The following SGCD variants were observed in gnomAD, a reference collection of about 807,000 sequenced individuals.
SGCD encodes sarcoglycan delta, also known as delta-sarcoglycan.
A neutral mutation model predicts 36.6 loss-of-function variants in SGCD; 18 were observed. That is an observed-to-expected ratio of 0.49 (90% CI 0.34 to 0.73). SGCD has a LOEUF of 0.73. Among genes scored for constraint, SGCD ranks in the 30% least tolerant of loss-of-function variants. The pLI is 0.01. For synonymous variants in SGCD, 133 were observed against 130.6 expected, an observed-to-expected ratio of 1.02 and a Z score of -0.12; for missense variants, 387 against 346.7, an observed-to-expected ratio of 1.12 and a Z score of -0.92.
At chr5:156,499,808 T>C (rs956751413) in intron 3 of SGCD, among the ~76,000 whole-genome samples, 1 of 152,220 alleles carries the variant, frequency 6.6e-6, no homozygotes, top group African/African-American at 2.4e-5. Flanking sequence ...TTCTGTTAAG[T>C]GTTAATGTCT....
chr5:156,445,806 A>G (rs567666535), intron 3 of SGCD, among the ~76,000 whole-genome samples: 82 of 152,240 alleles, frequency 5.4e-4, no homozygotes, highest in Non-Finnish European at 9.7e-4. Context: ...TCACACACAC[A>G]CACACGCACA....
intron 3 of SGCD, among the ~76,000 whole-genome samples, chr5:156,374,547 G>GA (rs1199524855): frequency 1.1e-4 from 17 of 150,294 alleles, no homozygotes; most frequent in Non-Finnish European, 1.9e-4. Context: ...GTTGATGGAA[G>GA]AAAAAAAATT....
chr5:156,159,158 T>C (rs1763030237), intron 3 of SGCD, among the ~76,000 whole-genome samples: 1 of 151,666 alleles, frequency 6.6e-6, no homozygotes, highest in Non-Finnish European at 1.5e-5. Context: ...GCAAGATTAT[T>C]TGGAAGGTCA....
intron 3 of SGCD, among the ~76,000 whole-genome samples, chr5:156,494,544 A>G (rs972243850): frequency 6.6e-6 from 1 of 152,142 alleles, no homozygotes; most frequent in Non-Finnish European, 1.5e-5. Context: ...TTTGGAATTT[A>G]TTCTGAGGCA....
intron 6 of SGCD, among the ~76,000 whole-genome samples, chr5:156,618,220 A>G (rs567529745): frequency 6.6e-6 from 1 of 152,334 alleles, no homozygotes; most frequent in South Asian, 2.1e-4. Flanking sequence ...ATCTAATAGT[A>G]ACATTTGAGT....
At chr5:156,217,890 T>C (rs1213558681) in intron 3 of SGCD, among the ~76,000 whole-genome samples, 1 of 152,136 alleles carries the variant, frequency 6.6e-6, no homozygotes, top group East Asian at 1.9e-4. Flanking sequence ...ATTCTTTCAT[T>C]ATAAAAATCA....
intron 7 of SGCD, among the ~76,000 whole-genome samples, chr5:156,656,277 A>T (rs1763674382): frequency 6.6e-6 from 1 of 152,158 alleles, no homozygotes; most frequent in Admixed American, 6.5e-5. Flanking sequence ...AATAATTGAT[A>T]GTTAAAGGGA....
chr5:156,653,582 C>T (rs1417412372), intron 7 of SGCD, among the ~76,000 whole-genome samples: 1 of 133,316 alleles, frequency 7.5e-6, no homozygotes, highest in Non-Finnish European at 1.5e-5. Context: ...CTCCTTCATC[C>T]TTTTGAAATT....
At chr5:155,896,113 A>G (rs996032669) in intron 1 of SGCD, among the ~76,000 whole-genome samples, 14 of 152,314 alleles carry the variant, frequency 9.2e-5, no homozygotes, top group Non-Finnish European at 1.8e-4. Context: ...ATGTTTTAAC[A>G]TCCATAACAG....
intron 3 of SGCD, among the ~76,000 whole-genome samples, chr5:156,271,646 TGA>T (rs901214079): frequency 1.3e-5 from 2 of 151,642 alleles, no homozygotes; most frequent in Admixed American, 6.6e-5. Flanking sequence ...TGTGTGTGTG[TGA>T]GAGAGAGAGA....
chr5:156,031,132 C>A (rs538679477), intron 1 of SGCD, among the ~76,000 whole-genome samples: 29 of 152,298 alleles, frequency 1.9e-4, no homozygotes, highest in African/African-American at 7.0e-4. Context: ...AGTTCTCCAG[C>A]TGACATGCAC....
At chr5:156,025,822 G>A (rs1420721373) in intron 1 of SGCD, among the ~76,000 whole-genome samples, 1 of 152,248 alleles carries the variant, frequency 6.6e-6, no homozygotes, top group Non-Finnish European at 1.5e-5. Context: ...TTGGAATAGA[G>A]CAGAAGTGAT....
intron 3 of SGCD, among the ~76,000 whole-genome samples, chr5:156,444,105 T>TGTTTGCTTTTTC (rs1753640265): frequency 9.5e-6 from 1 of 105,294 alleles, no homozygotes; most frequent in Non-Finnish European, 1.8e-5. Context: ...TCTCTCTCTC[T>TGTTTGCTTTTTC]CTCTCTCTCT....
At chr5:155,741,815 C>T in the SGCD span, among the ~76,000 whole-genome samples, 1 of 151,860 alleles carries the variant, frequency 6.6e-6, no homozygotes, top group African/African-American at 2.4e-5. Context: ...GCCTCAGCCT[C>T]CCAAGTAGCT....
At chr5:156,534,619 A>G (rs1303372982) in intron 4 of SGCD, among the ~76,000 whole-genome samples, 1 of 152,210 alleles carries the variant, frequency 6.6e-6, no homozygotes, top group Non-Finnish European at 1.5e-5. Context: ...TTGTGAGGGC[A>G]ATATAGCATA....
intron 3 of SGCD, among the ~76,000 whole-genome samples, chr5:156,137,822 T>C (rs974426847): frequency 6.6e-6 from 1 of 152,184 alleles, no homozygotes; most frequent in African/African-American, 2.4e-5. Flanking sequence ...CTAACCCTCA[T>C]GCAAGATGAC....
chr5:155,827,343 T>C, the SGCD span, among the ~76,000 whole-genome samples: 5 of 152,182 alleles, frequency 3.3e-5, no homozygotes, highest in Non-Finnish European at 4.4e-5. Flanking sequence ...ACTCATTTCA[T>C]GTGAAAGGTC....
intron 3 of SGCD, among the ~76,000 whole-genome samples, chr5:156,312,241 A>G (rs951435055): frequency 1.3e-5 from 2 of 152,194 alleles, no homozygotes; most frequent in African/African-American, 4.8e-5. Flanking sequence ...TTTTGGTCCC[A>G]AAACATTTAT....
At chr5:155,934,663 T>A (rs544172871) in intron 1 of SGCD, among the ~76,000 whole-genome samples, 1 of 152,350 alleles carries the variant, frequency 6.6e-6, no homozygotes, top group South Asian at 2.1e-4. Context: ...TCATTCTTTT[T>A]AACTGCTCAG....
Sources: allele counts gnomAD v4.1 joint callset (sites outside exome capture counted in the v4.1 genomes callset), GRCh38; gene constraint gnomAD v4.1.1; transcripts MANE v1.5; gene names NCBI Gene and HGNC (gene_info 2026-07-23, HGNC 2026-07-21).